SLC17A4: variants seen among roughly 807,000 people sequenced by gnomAD.
SLC17A4 encodes the protein solute carrier family 17 member 4, also known as probable small intestine urate exporter.
In SLC17A4, 33 loss-of-function variants were observed where a neutral mutation model predicts 52.5. That is an observed-to-expected ratio of 0.63 (90% CI 0.48 to 0.84). SLC17A4 has a LOEUF of 0.84. Among genes scored for constraint, SLC17A4 ranks in the 40% least tolerant of loss-of-function variants. The pLI, the probability that SLC17A4 is intolerant of heterozygous loss-of-function variation, is 0.00. For synonymous variants in SLC17A4, 225 were observed against 216.2 expected, an observed-to-expected ratio of 1.04 and a Z score of -0.36; for missense variants, 585 against 597.1, an observed-to-expected ratio of 0.98 and a Z score of 0.21.
chr6:25,773,227 A>G (rs1304540048), intron 6 of SLC17A4, 48 bp from the exon 7 acceptor site: 1 of 1,424,058 alleles, frequency 7.0e-7, no homozygotes, highest in Admixed American at 1.7e-5. Flanking sequence ...GTCAAACTGA[A>G]AGAAGTACTT....
At chr6:25,772,671 C>T (rs1658461188) in intron 6 of SLC17A4, among the ~76,000 whole-genome samples, 4 of 152,102 alleles carry the variant, frequency 2.6e-5, no homozygotes, top group Admixed American at 2.0e-4. Flanking sequence ...CTGCTGCTCA[C>T]TCTTATGTGC....
intron 2 of SLC17A4, among the ~76,000 whole-genome samples, chr6:25,763,993 A>G (rs904111297): frequency 6.6e-6 from 1 of 152,236 alleles, no homozygotes; most frequent in Non-Finnish European, 1.5e-5. Flanking sequence ...AGCAAAAGTC[A>G]GGTTGGTTAC....
At chr6:25,762,258 A>G (rs1041070129) in intron 2 of SLC17A4, among the ~76,000 whole-genome samples, 2 of 152,216 alleles carry the variant, frequency 1.3e-5, no homozygotes, top group African/African-American at 4.8e-5. Context: ...TTGAAGGTAT[A>G]TAAGACAGGC....
chr6:25,758,435 C>T (rs2151415799), intron 1 of SLC17A4, among the ~76,000 whole-genome samples: 1 of 152,288 alleles, frequency 6.6e-6, no homozygotes, highest in East Asian at 1.9e-4. Context: ...ACACCAAAGA[C>T]AAAGTTCAAT....
chr6:25,780,963 GACA>G lies in SLC17A4; in HGVS notation c.*1780_*1782del, dbSNP rs1277699013. ...CAGATAGCAATTATATCCAAGTGTAGACAACAAGAAGGAAAATGGACACATGAC... is the reference window on the plus strand; with the variant it reads ...CAGATAGCAATTATATCCAAGTGTAGACAAGAAGGAAAATGGACACATGAC... On this transcript the variant is annotated 3_prime_UTR_variant, in exon 12 of 12. Coordinates refer to ENST00000377905, the MANE Select transcript of SLC17A4 (RefSeq NM_005495.3). 6.6e-6 allele frequency: 1 copy of G among 152,132 alleles called. No homozygotes were observed. The allele number at this position is 152,132 out of a possible 1,614,324, so 9.4% of individuals were successfully genotyped here.
At chr6:25,754,822 T>C (rs1760863179) in intron 1 of SLC17A4, 41 bp downstream of exon 1, 1 of 152,126 alleles carries the variant, frequency 6.6e-6, no homozygotes, top group Non-Finnish European at 1.5e-5. Context: ...TATTCTGCTT[T>C]TGAGATGATG....
At chr6:25,773,838 T>G (rs1242045984) in intron 8 of SLC17A4, among the ~76,000 whole-genome samples, 164 bp downstream of exon 8, 3 of 152,182 alleles carry the variant, frequency 2.0e-5, no homozygotes, top group Non-Finnish European at 4.4e-5. Flanking sequence ...TTCTGATTGA[T>G]CTCAATGTGG....
intron 2 of SLC17A4, 127 bp from the exon 3 acceptor site, chr6:25,768,858 A>G: frequency 1.1e-6 from 1 of 870,298 alleles, no homozygotes; most frequent in Non-Finnish European, 1.8e-6. Context: ...ACACACCTAC[A>G]GAGGAATGTC....
chr6:25,773,823 T>C, intron 8 of SLC17A4, 149 bp downstream of exon 8: 1 of 720,672 alleles, frequency 1.4e-6, no homozygotes, highest in Non-Finnish European at 2.2e-6. Flanking sequence ...TCTAGTTAAT[T>C]TGGATTCTGA....
chr6:25,771,006 A>G lies in SLC17A4; in HGVS notation c.700A>G (p.Ile234Val), dbSNP rs749734829. Residue 234 changes from isoleucine to valine, a missense_variant, in exon 6 of 12, where the codon ATC (isoleucine) becomes GTC (valine). Physicochemically the swap from Ile to Val is conservative, Grantham distance 29. Coordinates refer to ENST00000377905, the MANE Select transcript of SLC17A4 (RefSeq NM_005495.3). ...QTIGWPYVFYIFGGIGCACCP... is the reference protein window; with the variant it reads ...QTIGWPYVFYVFGGIGCACCP... ...CATAGGATGGCCTTACGTCTTCTAT[A>G]TCTTTGGTGAGTGTGCTTTTCAAAT... 1.9e-6 allele frequency: 3 copies of G among 1,613,152 alleles called. No homozygotes were observed. The highest frequency in any genetic ancestry group is 1.7e-6 in the Non-Finnish European group (2 of 1,179,348).
At chr6:25,774,156 T>C (rs571160454) in intron 8 of SLC17A4, among the ~76,000 whole-genome samples, 1 of 152,258 alleles carries the variant, frequency 6.6e-6, no homozygotes, top group Admixed American at 6.5e-5. Context: ...ACATAGACAT[T>C]TGCGGAGTAA....
intron 8 of SLC17A4, among the ~76,000 whole-genome samples, chr6:25,774,377 T>A (rs921840946): frequency 6.6e-6 from 1 of 152,230 alleles, no homozygotes; most frequent in Non-Finnish European, 1.5e-5. Flanking sequence ...GTTATTCTTG[T>A]ACTCTCACTC....
At chr6:25,771,139 A>G (rs1349434881) in intron 6 of SLC17A4, 127 bp downstream of exon 6, 5 of 738,634 alleles carry the variant, frequency 6.8e-6, no homozygotes, top group Non-Finnish European at 1.2e-5. Flanking sequence ...TTCAGAGCCA[A>G]CTACATTTAA....
chr6:25,773,798 A>G, intron 8 of SLC17A4, 124 bp downstream of exon 8: 1 of 889,924 alleles, frequency 1.1e-6, no homozygotes, highest in South Asian at 1.9e-5. Context: ...CAGGACCTCC[A>G]TATAGGAAAT....
chr6:25,762,164 A>AT (rs1298473930), intron 2 of SLC17A4, 111 bp downstream of exon 2: 2 of 838,618 alleles, frequency 2.4e-6, no homozygotes, highest in Non-Finnish European at 3.7e-6. Flanking sequence ...GATACACATC[A>AT]TTTTCCTTGC....
At chr6:25,766,759 C>T (rs1350385431) in intron 2 of SLC17A4, among the ~76,000 whole-genome samples, 2 of 152,144 alleles carry the variant, frequency 1.3e-5, no homozygotes, top group Non-Finnish European at 1.5e-5. Context: ...CTGACTGGTG[C>T]GTTTCAAAAC....
intron 3 of SLC17A4, among the ~76,000 whole-genome samples, chr6:25,769,447 A>G (rs901081560): frequency 6.6e-6 from 1 of 151,888 alleles, no homozygotes; most frequent in African/African-American, 2.4e-5. Context: ...AATCCCAGCT[A>G]CTCTGGAGGC....
At chr6:25,756,624 A>G (rs1761040393) in intron 1 of SLC17A4, among the ~76,000 whole-genome samples, 1 of 152,248 alleles carries the variant, frequency 6.6e-6, no homozygotes, top group Non-Finnish European at 1.5e-5. Flanking sequence ...CACTGCTCTC[A>G]TTAACGCCAG....
At chr6:25,769,307 AGGAATGG>A (rs1461519865) in intron 3 of SLC17A4, 117 bp downstream of exon 3, 3 of 985,636 alleles carry the variant, frequency 3.0e-6, no homozygotes, top group South Asian at 1.7e-5. Context: ...ACTATGTGCC[AGGAATGG>A]CACAAGTACC....
Sources: allele counts gnomAD v4.1 joint callset (sites outside exome capture counted in the v4.1 genomes callset), GRCh38; gene constraint gnomAD v4.1.1; transcripts MANE v1.5; gene names NCBI Gene and HGNC (gene_info 2026-07-23, HGNC 2026-07-21).